DPP6: variants seen among roughly 807,000 people sequenced by gnomAD.
DPP6 encodes dipeptidyl peptidase like 6.
DPP6 carries 69 observed loss-of-function variants against 122.6 expected under a neutral mutation model. That is an observed-to-expected ratio of 0.56 (90% CI 0.46 to 0.69). The LOEUF (loss-of-function observed/expected upper bound fraction) is 0.69. Ranked by LOEUF, DPP6 falls within the 30% of genes least tolerant of loss-of-function variation. DPP6 has a pLI of 0.00. For missense variants in DPP6, 928 were observed against 1,116.9 expected (o/e 0.83, Z 2.41); for synonymous variants, 418 against 433.1 (o/e 0.97, Z 0.43).
intron 16 of DPP6, among the ~76,000 whole-genome samples, chr7:154,809,617 C>T (rs1472565075): frequency 6.6e-6 from 1 of 152,048 alleles, no homozygotes. Flanking sequence ...GGCATGAGAG[C>T]ATAGAATGGG....
chr7:153,828,382 C>T, the DPP6 span, among the ~76,000 whole-genome samples: 33 of 152,218 alleles, frequency 2.2e-4, no homozygotes, highest in Middle Eastern at 6.8e-3. Context: ...AAATGATACA[C>T]GCACACATGT....
intron 1 of DPP6, among the ~76,000 whole-genome samples, chr7:153,958,177 AAAAC>A (rs544213600): frequency 4.6e-4 from 70 of 152,202 alleles, no homozygotes; most frequent in African/African-American, 1.6e-3. Flanking sequence ...AACAAACAAA[AAAAC>A]AAGCAGATAG....
At chr7:154,767,313 C>T (rs758655399) in intron 8 of DPP6, among the ~76,000 whole-genome samples, 8 of 152,144 alleles carry the variant, frequency 5.3e-5, no homozygotes, top group Non-Finnish European at 1.0e-4. Context: ...GGCCCTGCAG[C>T]GCAGACGTGA....
intron 1 of DPP6, among the ~76,000 whole-genome samples, chr7:154,368,775 G>C (rs1812396138): frequency 6.6e-6 from 1 of 152,218 alleles, no homozygotes; most frequent in Non-Finnish European, 1.5e-5. Context: ...AGATGATTCT[G>C]ATGTTAGTAA....
Position 154,451,676 on chromosome 7 carries a change from C to T in DPP6, c.358+5348C>T, listed in dbSNP as rs183755466. On this transcript the variant is annotated intron_variant, in intron 2 of 25. Coordinates refer to ENST00000377770, the MANE Select transcript of DPP6 (RefSeq NM_130797.4). ...GGGAACTCTTCTCCCTCCATGCTGA[C>T]GGCCAGTTGTCAGGGGCAACTGCTC... Among the ~76,000 whole-genome samples, 44 of 152,322 alleles carry T rather than the reference C, an allele frequency of 2.9e-4. 1 individual carries two copies. The East Asian group carries it at 4.6e-3, about 16-fold the overall frequency.
chr7:154,699,176 G>A (rs1233892310), intron 7 of DPP6, among the ~76,000 whole-genome samples: 2 of 152,148 alleles, frequency 1.3e-5, no homozygotes, highest in Non-Finnish European at 2.9e-5. Flanking sequence ...ACTTAGCCAG[G>A]AACATCTGAA....
At chr7:154,190,134 C>T (rs552336452) in intron 1 of DPP6, among the ~76,000 whole-genome samples, 1 of 152,174 alleles carries the variant, frequency 6.6e-6, no homozygotes, top group Non-Finnish European at 1.5e-5. Flanking sequence ...AGAGAGGCCT[C>T]CTCTTTCCAG....
chr7:154,061,899 C>A (rs1352491107), intron 1 of DPP6, among the ~76,000 whole-genome samples: 1 of 134,810 alleles, frequency 7.4e-6, no homozygotes, highest in Non-Finnish European at 1.6e-5. Context: ...AGAGGCAATC[C>A]CTCTTCCCCC....
At chr7:154,709,289 C>T (rs745998265) in intron 7 of DPP6, among the ~76,000 whole-genome samples, 1 of 152,196 alleles carries the variant, frequency 6.6e-6, no homozygotes, top group Non-Finnish European at 1.5e-5. Context: ...AAGCAATCCT[C>T]CTGCTTCTGT....
At position 154,802,417 on chromosome 7, in the gene DPP6, C is replaced by T. The variant is rs192817693; in HGVS notation, c.1407+955C>T. Among the ~76,000 whole-genome samples the T allele has an allele frequency of 2.9e-3, 439 of 152,144 alleles. 2 individuals carry two copies. Among genetic ancestry groups the T allele is most frequent in the African/African-American group, 1.0e-2 (415 of 41,524 alleles). On this transcript the variant is annotated intron_variant, in intron 13 of 25. Transcript: ENST00000377770. ...GACTCCTGGGATGGAAATGGCGTCT[C>T]TTGGAGGTTCAGGTGCAATTTTTTC...
chr7:154,627,924 A>G (rs1835186767), intron 5 of DPP6, among the ~76,000 whole-genome samples: 1 of 152,218 alleles, frequency 6.6e-6, no homozygotes, highest in African/African-American at 2.4e-5. Context: ...AACTTTTATC[A>G]CAGCCAAATG....
At chr7:154,790,341 G>A (rs1010342342) in intron 10 of DPP6, among the ~76,000 whole-genome samples, 7 of 152,176 alleles carry the variant, frequency 4.6e-5, no homozygotes, top group African/African-American at 1.7e-4. Context: ...CGGCACAAGG[G>A]GCCCAAAAGC....
chr7:153,973,812 A>G (rs1435740560), intron 1 of DPP6, among the ~76,000 whole-genome samples: 3 of 147,522 alleles, frequency 2.0e-5, no homozygotes, highest in African/African-American at 7.7e-5. Flanking sequence ...TAATGTGTTC[A>G]GGAAAGAGTA....
intron 1 of DPP6, among the ~76,000 whole-genome samples, chr7:154,283,539 A>C (rs898479776): frequency 6.6e-5 from 10 of 152,194 alleles, no homozygotes; most frequent in Non-Finnish European, 1.5e-4. Flanking sequence ...TGGGGTACAC[A>C]GCAATAAACT....
chr7:154,706,680 G>T (rs954998933), intron 7 of DPP6, among the ~76,000 whole-genome samples: 2 of 152,232 alleles, frequency 1.3e-5, no homozygotes, highest in African/African-American at 4.8e-5. Flanking sequence ...ACACTAAATA[G>T]CTTCAAGTGG....
intron 1 of DPP6, among the ~76,000 whole-genome samples, chr7:153,994,410 T>A (rs889678518): frequency 7.2e-5 from 11 of 151,748 alleles, no homozygotes; most frequent in Non-Finnish European, 1.5e-4. Flanking sequence ...GGCTAATTTT[T>A]AAAAAATCAT....
intron 1 of DPP6, among the ~76,000 whole-genome samples, chr7:153,956,950 T>TA (rs778491338): frequency 3.0e-4 from 46 of 152,204 alleles, no homozygotes; most frequent in African/African-American, 9.1e-4. Context: ...TTTAGAGTGT[T>TA]AAAAAAAATT....
chr7:154,366,359 T>A (rs945650134), intron 1 of DPP6, among the ~76,000 whole-genome samples: 147 of 152,276 alleles, frequency 9.7e-4, no homozygotes, highest in African/African-American at 3.4e-3. Flanking sequence ...ACCCCTCCCA[T>A]CTCTTCCCTG....
At chr7:154,883,705 C>T (rs1805712685) in intron 21 of DPP6, 1 of 147,558 alleles carries the variant, frequency 6.8e-6, no homozygotes, top group Admixed American at 6.6e-5. Context: ...CACGTGCTCA[C>T]AAATTACATA....
Sources: allele counts gnomAD v4.1 joint callset (sites outside exome capture counted in the v4.1 genomes callset), GRCh38; gene constraint gnomAD v4.1.1; transcripts MANE v1.5; gene names NCBI Gene and HGNC (gene_info 2026-07-23, HGNC 2026-07-21).